SGCD: variants seen among roughly 807,000 people sequenced by gnomAD.
SGCD encodes delta-sarcoglycan.
In SGCD, 18 loss-of-function variants were observed where a neutral mutation model predicts 36.6. The ratio of observed to expected loss-of-function variants is 0.49; its 90% CI spans 0.34 to 0.73. The LOEUF is 0.73. Among genes scored for constraint, SGCD ranks in the 30% least tolerant of loss-of-function variants. SGCD has a pLI of 0.01. For synonymous variants in SGCD, 133 were observed against 130.6 expected, an observed-to-expected ratio of 1.02 and a Z score of -0.12; for missense variants, 387 against 346.7, an observed-to-expected ratio of 1.12 and a Z score of -0.92.
chr5:156,362,602 C>T (rs1394565588), intron 3 of SGCD, among the ~76,000 whole-genome samples: 10 of 152,192 alleles, frequency 6.6e-5, no homozygotes, highest in South Asian at 2.1e-4. Flanking sequence ...GCCAAGATCA[C>T]GCCACTGCAT....
At chr5:156,188,812 G>A (rs1333875452) in intron 3 of SGCD, among the ~76,000 whole-genome samples, 1 of 151,864 alleles carries the variant, frequency 6.6e-6, no homozygotes, top group Non-Finnish European at 1.5e-5. Context: ...AACCACATCT[G>A]AACAGACCCT....
At chr5:156,024,553 A>C (rs1759183078) in intron 1 of SGCD, among the ~76,000 whole-genome samples, 1 of 152,088 alleles carries the variant, frequency 6.6e-6, no homozygotes, top group Non-Finnish European at 1.5e-5. Context: ...TTGTTTAATG[A>C]ATCACTGTGG....
intron 3 of SGCD, among the ~76,000 whole-genome samples, chr5:156,147,010 T>C (rs1762722720): frequency 6.6e-6 from 1 of 152,178 alleles, no homozygotes. Context: ...AAATATATAA[T>C]GAATGTACGG....
chr5:156,436,209 A>G (rs978010919), intron 3 of SGCD, among the ~76,000 whole-genome samples: 7 of 152,202 alleles, frequency 4.6e-5, no homozygotes, highest in Middle Eastern at 6.3e-3. Context: ...TCCACATTTA[A>G]TCGGAGGGGA....
chr5:156,258,062 C>G (rs868284759), intron 3 of SGCD, among the ~76,000 whole-genome samples: 1 of 151,954 alleles, frequency 6.6e-6, no homozygotes. Flanking sequence ...GTTATTCAGT[C>G]TTACATATTT....
At chr5:156,359,177 G>C (rs76155231) in intron 3 of SGCD, among the ~76,000 whole-genome samples, 2,137 of 152,276 alleles carry the variant, frequency 0.014, 23 homozygotes, top group Non-Finnish European at 0.023. Context: ...TACAAATACT[G>C]TATGTGTTAT....
At chr5:156,407,109 G>C (rs1772472893) in intron 3 of SGCD, among the ~76,000 whole-genome samples, 1 of 151,810 alleles carries the variant, frequency 6.6e-6, no homozygotes, top group African/African-American at 2.4e-5. Flanking sequence ...CCAGATTAAG[G>C]GTGGGTCTGC....
intron 3 of SGCD, among the ~76,000 whole-genome samples, chr5:156,367,368 AT>A (rs1231809493): frequency 6.6e-6 from 1 of 150,934 alleles, no homozygotes; most frequent in Non-Finnish European, 1.5e-5. Context: ...TGTGGATTGA[AT>A]TTTTTTTAAA....
At position 156,668,058 on chromosome 5, in the gene SGCD, C is replaced by T. The variant is rs372467036; in HGVS notation, c.575+20522C>T. Among the ~76,000 whole-genome samples the T allele has an allele frequency of 3.8e-4, 58 of 152,308 alleles. No homozygotes were observed. In the South Asian group the frequency reaches 0.011, roughly 30 times the overall value. On this transcript the variant is annotated intron_variant, in intron 7 of 8. Transcript: ENST00000337851. ...CCATTGAACTATGTGAACATATTAA[C>T]GTGTCATTATGTTGCCTCTATTTTT... is the stretch of plus-strand genomic sequence containing the variant.
At chr5:156,071,211 A>C (rs1351608096) in intron 1 of SGCD, among the ~76,000 whole-genome samples, 2 of 151,964 alleles carry the variant, frequency 1.3e-5, no homozygotes, top group African/African-American at 4.8e-5. Context: ...TAGTTCTCTT[A>C]ATTGTGATGT....
At chr5:156,232,143 T>G (rs988351435) in intron 3 of SGCD, among the ~76,000 whole-genome samples, 14 of 152,206 alleles carry the variant, frequency 9.2e-5, no homozygotes, top group African/African-American at 3.1e-4. Context: ...TTAACATAGT[T>G]GGATATACCC....
intron 3 of SGCD, among the ~76,000 whole-genome samples, chr5:156,176,943 A>G (rs1763488387): frequency 6.6e-6 from 1 of 152,218 alleles, no homozygotes; most frequent in Non-Finnish European, 1.5e-5. Context: ...ACATACTTCA[A>G]ACAGATAATT....
At chr5:156,354,954 T>C (rs1292673275) in intron 3 of SGCD, among the ~76,000 whole-genome samples, 1 of 152,220 alleles carries the variant, frequency 6.6e-6, no homozygotes, top group Non-Finnish European at 1.5e-5. Context: ...GATTTCTAGG[T>C]TCAGAGTTGT....
chr5:156,471,482 G>A (rs1199053886), intron 3 of SGCD, among the ~76,000 whole-genome samples: 2 of 152,066 alleles, frequency 1.3e-5, no homozygotes, highest in East Asian at 3.9e-4. Flanking sequence ...TCCAGAAATT[G>A]ACTCATACAT....
In SGCD at chr5:156,287,733, GT is replaced by G. The variant is rs986139002; in HGVS notation, c.-43-41797del. 5.3e-5 allele frequency among the ~76,000 whole-genome samples: 8 copies of G among 151,504 alleles called. 1 individual carries two copies. The highest frequency in any genetic ancestry group is 2.6e-4 in the Admixed American group (4 of 15,170). On this transcript the variant is annotated intron_variant, in intron 3 of 9. Transcript: ENST00000517913. ...GATACACATACTCTTTGCTGACATTGTTTTAAAGCTTAGAGATAGGCTGGGC... is the reference window on the plus strand; with the variant it reads ...GATACACATACTCTTTGCTGACATTGTTTAAAGCTTAGAGATAGGCTGGGC...
intron 1 of SGCD, among the ~76,000 whole-genome samples, chr5:156,110,991 GA>G (rs1172443202): frequency 1.3e-5 from 2 of 151,882 alleles, no homozygotes; most frequent in South Asian, 2.1e-4. Context: ...ATTTGAACAC[GA>G]AAAAAATATG....
intron 1 of SGCD, among the ~76,000 whole-genome samples, chr5:155,902,274 AAGT>A (rs1397812086): frequency 6.6e-6 from 1 of 152,234 alleles, no homozygotes; most frequent in African/African-American, 2.4e-5. Flanking sequence ...GTATTTAATA[AAGT>A]AGTCGTTTTA....
At chr5:156,326,738 G>A (rs1318901949), upstream of SGCD, 4 of 152,480 alleles carry the variant, frequency 2.6e-5, no homozygotes, top group Admixed American at 2.0e-4. Flanking sequence ...TGAAAAAGGA[G>A]CAGTGTTGAG....
chr5:156,174,627 A>G (rs1372544930), intron 3 of SGCD, among the ~76,000 whole-genome samples: 4 of 152,202 alleles, frequency 2.6e-5, no homozygotes, highest in Admixed American at 2.6e-4. Context: ...ATTATTTTCT[A>G]TTAATGCTTT....
Sources: gnomAD v4.1 joint callset for allele counts (sites outside exome capture counted in the v4.1 genomes callset) on GRCh38, gnomAD v4.1.1 for gene constraint, MANE v1.5 for transcripts, NCBI Gene and HGNC (gene_info 2026-07-23, HGNC 2026-07-21) for gene names.